Variants in ESR1 observed in about 807,000 individuals in gnomAD.
ESR1 encodes the protein estrogen receptor 1, also known as estrogen receptor.
In ESR1, 12 loss-of-function variants were observed where a neutral mutation model predicts 52.7. The observed-to-expected ratio is 0.23, with a 90% CI of 0.15 to 0.37. The LOEUF (loss-of-function observed/expected upper bound fraction) is 0.37, where lower values mean the gene tolerates loss of function less well. Ranked by LOEUF, ESR1 falls within the 10% of genes least tolerant of loss-of-function variation. The pLI, the probability that ESR1 is intolerant of heterozygous loss-of-function variation, is 1.00. For synonymous variants in ESR1, 305 were observed against 316.8 expected, an observed-to-expected ratio of 0.96 and a Z score of 0.39; for missense variants, 584 against 779.7, an observed-to-expected ratio of 0.75 and a Z score of 2.99.
chr6:151,659,801 T>G (rs1171851349), intron 1 of ESR1, among the ~76,000 whole-genome samples: 1 of 152,230 alleles, frequency 6.6e-6, no homozygotes, highest in South Asian at 2.1e-4. Flanking sequence ...TACACATTCA[T>G]TCAAATGTTT....
intron 1 of ESR1, among the ~76,000 whole-genome samples, chr6:151,837,613 T>C (rs1422083986): frequency 6.6e-6 from 1 of 152,206 alleles, no homozygotes; most frequent in African/African-American, 2.4e-5. Context: ...TGTAATGCAT[T>C]GTCATAGATG....
intron 2 of ESR1, among the ~76,000 whole-genome samples, chr6:151,719,805 T>A (rs556374039): frequency 6.6e-6 from 1 of 152,070 alleles, no homozygotes; most frequent in South Asian, 2.1e-4. Context: ...GAGAAAAGAG[T>A]TGTAAAGGAG....
At chr6:152,041,764 C>T (rs1029701594) in intron 5 of ESR1, among the ~76,000 whole-genome samples, 8 of 152,202 alleles carry the variant, frequency 5.3e-5, no homozygotes, top group Admixed American at 3.3e-4. Flanking sequence ...CGATATACCC[C>T]TGAGGTAGGA....
intron 1 of ESR1, among the ~76,000 whole-genome samples, chr6:151,697,450 T>A (rs564556175): frequency 6.6e-6 from 1 of 152,204 alleles, no homozygotes; most frequent in Non-Finnish European, 1.5e-5. Flanking sequence ...GTCAAAACAT[T>A]ATACTAGTGA....
intron 2 of ESR1, among the ~76,000 whole-genome samples, chr6:151,718,203 A>G (rs1232113161): frequency 6.6e-6 from 1 of 152,250 alleles, no homozygotes; most frequent in African/African-American, 2.4e-5. Context: ...GTGAGAATAC[A>G]CAAAAGATAT....
intron 4 of ESR1, among the ~76,000 whole-genome samples, chr6:151,980,172 C>T (rs937429197): frequency 6.6e-6 from 1 of 152,166 alleles, no homozygotes; most frequent in Admixed American, 6.5e-5. Context: ...GAACGTGTTG[C>T]TTGCTAATTT....
chr6:151,670,330 C>G (rs942952571), intron 1 of ESR1, among the ~76,000 whole-genome samples: 2 of 152,154 alleles, frequency 1.3e-5, no homozygotes, highest in African/African-American at 2.4e-5. Context: ...TTACATTACC[C>G]GTTTTTCCAT....
chr6:151,782,056 T>G (rs947497872), intron 2 of ESR1, among the ~76,000 whole-genome samples: 5 of 152,206 alleles, frequency 3.3e-5, no homozygotes, highest in African/African-American at 1.2e-4. Flanking sequence ...GACAGGTCAA[T>G]CATGGAATTA....
chr6:151,996,896 A>C (rs1456321280), intron 4 of ESR1, among the ~76,000 whole-genome samples: 1 of 152,076 alleles, frequency 6.6e-6, no homozygotes, highest in Non-Finnish European at 1.5e-5. Context: ...GGGTAATTTC[A>C]AACAAGTAGG....
intron 3 of ESR1, among the ~76,000 whole-genome samples, chr6:151,941,753 ATCTT>A (rs2035092300): frequency 6.6e-6 from 1 of 152,158 alleles, no homozygotes; most frequent in South Asian, 2.1e-4. Flanking sequence ...GGCAGCTTCT[ATCTT>A]TGTCGTCAGC....
intron 2 of ESR1, among the ~76,000 whole-genome samples, chr6:151,736,057 T>C (rs750198868): frequency 1.3e-5 from 2 of 152,190 alleles, no homozygotes; most frequent in Non-Finnish European, 2.9e-5. Flanking sequence ...CAATTAAACC[T>C]CTTTCCTTTA....
intron 1 of ESR1, among the ~76,000 whole-genome samples, chr6:151,834,084 T>C (rs1413979945): frequency 6.6e-6 from 1 of 152,168 alleles, no homozygotes; most frequent in East Asian, 1.9e-4. Flanking sequence ...ATAGGAACAC[T>C]TTTACACTGT....
chr6:151,821,479 A>G (rs2128190565), intron 1 of ESR1, among the ~76,000 whole-genome samples: 1 of 152,308 alleles, frequency 6.6e-6, no homozygotes, highest in South Asian at 2.1e-4. Flanking sequence ...TTTAATAACC[A>G]TACATTGTTT....
intron 1 of ESR1, among the ~76,000 whole-genome samples, chr6:151,834,639 G>T (rs1782997357): frequency 6.6e-6 from 1 of 151,976 alleles, no homozygotes; most frequent in Non-Finnish European, 1.5e-5. Flanking sequence ...CATGGCACGT[G>T]TATACCTATG....
chr6:151,810,077 C>G (rs1480969607), intron 1 of ESR1, among the ~76,000 whole-genome samples: 1 of 152,096 alleles, frequency 6.6e-6, no homozygotes, highest in East Asian at 1.9e-4. Context: ...ACTAATGAGA[C>G]TGCTCCTTGG....
chr6:151,876,344 C>T (rs909340083), intron 2 of ESR1, among the ~76,000 whole-genome samples: 6 of 152,006 alleles, frequency 3.9e-5, no homozygotes, highest in African/African-American at 1.4e-4. Context: ...GGCAGGTGGA[C>T]ATTCAGGAAA....
chr6:152,105,278 C>A (rs2051049624), downstream of ESR1, among the ~76,000 whole-genome samples: 1 of 152,186 alleles, frequency 6.6e-6, no homozygotes, highest in Admixed American at 6.5e-5. Flanking sequence ...TAGGTGACAA[C>A]TTAGTACTTT....
At chr6:151,961,182 G>A (rs1431428057) in intron 4 of ESR1, among the ~76,000 whole-genome samples, 1 of 152,078 alleles carries the variant, frequency 6.6e-6, no homozygotes, top group Non-Finnish European at 1.5e-5. Context: ...GATTAGCAAA[G>A]TAGTGAGTGT....
upstream of ESR1, among the ~76,000 whole-genome samples, chr6:151,800,234 A>G (rs1777104333): frequency 6.6e-6 from 1 of 152,098 alleles, no homozygotes; most frequent in African/African-American, 2.4e-5. Context: ...AGAGGAGGGA[A>G]GAGGGTCTAG....
Sources: allele counts gnomAD v4.1 joint callset (sites outside exome capture counted in the v4.1 genomes callset), GRCh38; gene constraint gnomAD v4.1.1; transcripts MANE v1.5; gene names NCBI Gene and HGNC (gene_info 2026-07-23, HGNC 2026-07-21).